The following NRXN1 variants were observed in gnomAD, a reference collection of about 807,000 sequenced individuals.
NRXN1 encodes the protein neurexin-1.
NRXN1 carries 39 observed loss-of-function variants against 150.9 expected under a neutral mutation model. The observed-to-expected ratio is 0.26, with a 90% CI of 0.20 to 0.34. NRXN1 has a LOEUF of 0.34. NRXN1 is among the 10% of genes least tolerant of loss of function. The pLI, the probability that NRXN1 is intolerant of heterozygous loss-of-function variation, is 1.00. For synonymous variants in NRXN1, 924 were observed against 757.0 expected, an observed-to-expected ratio of 1.22 and a Z score of -3.62; for missense variants, 1,815 against 1,949.9, an observed-to-expected ratio of 0.93 and a Z score of 1.30.
intron 17 of NRXN1, among the ~76,000 whole-genome samples, chr2:50,424,197 G>T (rs1572917645): frequency 3.0e-5 from 3 of 100,622 alleles, no homozygotes; most frequent in South Asian, 4.4e-4. Context: ...GGGGGAGGAG[G>T]AGGAGGGAAG....
chr2:50,875,854 T>C (rs1391504124), intron 5 of NRXN1, among the ~76,000 whole-genome samples: 2 of 151,846 alleles, frequency 1.3e-5, no homozygotes, highest in African/African-American at 4.8e-5. Context: ...TTATAGCACA[T>C]TGCACTGTCA....
intron 2 of NRXN1, among the ~76,000 whole-genome samples, chr2:50,957,574 T>A (rs1443269672): frequency 6.6e-6 from 1 of 152,112 alleles, no homozygotes; most frequent in Admixed American, 6.6e-5. Context: ...ATTTGTGATA[T>A]CCCTGGCATA....
At chr2:50,935,516 C>T (rs763933145) in intron 2 of NRXN1, among the ~76,000 whole-genome samples, 2 of 152,140 alleles carry the variant, frequency 1.3e-5, no homozygotes, top group Non-Finnish European at 2.9e-5. Flanking sequence ...AGGCAGATCA[C>T]TTGAGGTCAG....
intron 21 of NRXN1, among the ~76,000 whole-genome samples, chr2:50,030,425 G>A (rs1257473626): frequency 6.6e-6 from 1 of 152,108 alleles, no homozygotes; most frequent in Non-Finnish European, 1.5e-5. Context: ...TCTATCATAA[G>A]TGAACAATTA....
rs2105336866 is a variant in NRXN1 at position 51,028,477 on chromosome 2, C to G, written c.-204G>C. On this transcript the variant is annotated 5_prime_UTR_variant, in exon 2 of 23. Coordinates refer to ENST00000401669, the MANE Select transcript of NRXN1 (RefSeq NM_001330078.2). ...CGCCCTCTCTCCCTGTAGTCCTCTT[C>G]CAACTGGAAAACGTTGACCCCAGTG... The G allele has an allele frequency of 2.3e-6, 1 of 428,266 alleles. No individual in the cohort carries two copies. Among genetic ancestry groups the G allele is most frequent in the East Asian group, 3.3e-5 (1 of 30,142 alleles). The allele number at this position is 428,266 out of a possible 1,614,324, so 26.5% of individuals were successfully genotyped here.
rs551157430 is a variant in NRXN1, at chr2:51,024,991, T to C, written c.772+2511A>G. On this transcript the variant is annotated intron_variant, in intron 2 of 22. Transcript: ENST00000401669. ...CCTAGCCATTAATACATGATCTGTA[T>C]TGGGAGAATCATCCATTCTCAATTA... Among the ~76,000 whole-genome samples the C allele has an allele frequency of 9.9e-5, 15 of 152,254 alleles. No homozygotes were observed. The East Asian group carries it at 2.1e-3, about 22-fold the overall frequency.
chr2:50,556,441 G>T (rs961207405), intron 8 of NRXN1, among the ~76,000 whole-genome samples: 4 of 150,612 alleles, frequency 2.7e-5, no homozygotes, highest in African/African-American at 7.3e-5. Context: ...CATAACAATT[G>T]ATGATATTTG....
Position 50,907,458 on chromosome 2 carries a change from G to A in NRXN1, c.832+14411C>T, listed in dbSNP as rs183853213. Among the ~76,000 whole-genome samples the A allele has an allele frequency of 1.5e-3, 233 of 152,094 alleles. 3 individuals are homozygous for A. Among genetic ancestry groups the A allele is most frequent in the African/African-American group, 5.3e-3 (220 of 41,528 alleles). ...CAGCAGTGTTGGCTGTGACCTTTAC[G>A]AAGGGTGAGAAAAAGATGCCCTTAT... On this transcript the variant is annotated intron_variant, in intron 5 of 22. Coordinates refer to ENST00000401669, the MANE Select transcript of NRXN1 (RefSeq NM_001330078.2).
intron 17 of NRXN1, among the ~76,000 whole-genome samples, chr2:50,336,572 C>A (rs1365909339): frequency 6.6e-6 from 1 of 152,208 alleles, no homozygotes; most frequent in Admixed American, 6.5e-5. Context: ...AGAGTATAAT[C>A]ATATAATCAG....
chr2:50,821,574 A>G (rs932659807), intron 5 of NRXN1, among the ~76,000 whole-genome samples: 1 of 152,330 alleles, frequency 6.6e-6, no homozygotes, highest in Admixed American at 6.5e-5. Context: ...AATAAGCACC[A>G]TAGAAGTGCA....
chr2:50,845,599 T>C (rs547069726), intron 5 of NRXN1, among the ~76,000 whole-genome samples: 2 of 152,324 alleles, frequency 1.3e-5, no homozygotes, highest in African/African-American at 4.8e-5. Flanking sequence ...AAAGTTCAGA[T>C]TAGGAACCTC....
At chr2:50,808,138 T>A (rs532322997) in intron 5 of NRXN1, among the ~76,000 whole-genome samples, 6 of 152,212 alleles carry the variant, frequency 3.9e-5, no homozygotes, top group African/African-American at 1.4e-4. Flanking sequence ...GGATTCTCCA[T>A]GTCAGTTAGT....
chr2:50,371,166 G>A (rs1256579230), intron 17 of NRXN1, among the ~76,000 whole-genome samples: 4 of 151,968 alleles, frequency 2.6e-5, no homozygotes, highest in African/African-American at 9.7e-5. Flanking sequence ...GTGCCCAATT[G>A]TCTTTTATTA....
At chr2:50,932,639 C>T (rs1165127384) in intron 2 of NRXN1, among the ~76,000 whole-genome samples, 5 of 152,042 alleles carry the variant, frequency 3.3e-5, no homozygotes, top group African/African-American at 1.2e-4. Context: ...GTACACTGCT[C>T]GGGTGATGGG....
intron 5 of NRXN1, chr2:50,917,514 A>C (rs956538540): frequency 4.6e-5 from 7 of 151,714 alleles, no homozygotes; most frequent in African/African-American, 1.7e-4. Context: ...TATCTTTCCA[A>C]AATTGATAAA....
chr2:50,769,252 G>C lies in NRXN1; in HGVS notation c.833-145637C>G, dbSNP rs374986752. Among the ~76,000 whole-genome samples the C allele has an allele frequency of 1.5e-3, 232 of 152,036 alleles. 1 individual carries two copies. The highest frequency in any genetic ancestry group is 5.5e-3 in the African/African-American group (230 of 41,502). ...TCCACCTAGAGGGCTCTTAAAACCT[G>C]CAGTTAAGCAAGAGCAAGCCAAAAC... is the stretch of plus-strand genomic sequence containing the variant. On this transcript the variant is annotated intron_variant, in intron 5 of 22. Coordinates refer to ENST00000401669, the MANE Select transcript of NRXN1 (RefSeq NM_001330078.2).
At chr2:50,672,742 T>C (rs1689037409) in intron 5 of NRXN1, among the ~76,000 whole-genome samples, 1 of 152,046 alleles carries the variant, frequency 6.6e-6, no homozygotes, top group Admixed American at 6.6e-5. Flanking sequence ...TTATGATACT[T>C]AAAGAAAACT....
At chr2:50,303,204 C>T (rs1359847014) in intron 17 of NRXN1, among the ~76,000 whole-genome samples, 1 of 152,138 alleles carries the variant, frequency 6.6e-6, no homozygotes, top group Non-Finnish European at 1.5e-5. Context: ...TCACAGCTAT[C>T]TGCATAATTA....
chr2:50,168,608 T>G (rs2059828712), intron 18 of NRXN1, among the ~76,000 whole-genome samples: 1 of 152,212 alleles, frequency 6.6e-6, no homozygotes, highest in South Asian at 2.1e-4. Flanking sequence ...TTTTTGAGGT[T>G]GCCAGAATCT....
Sources: gnomAD v4.1 joint callset for allele counts (sites outside exome capture counted in the v4.1 genomes callset) on GRCh38, gnomAD v4.1.1 for gene constraint, MANE v1.5 for transcripts, NCBI Gene and HGNC (gene_info 2026-07-23, HGNC 2026-07-21) for gene names.